Variants in PPM1H observed in about 807,000 individuals in gnomAD.
PPM1H encodes the protein protein phosphatase, Mg2+/Mn2+ dependent 1H.
A neutral mutation model predicts 54.9 loss-of-function variants in PPM1H; 27 were observed. The ratio of observed to expected loss-of-function variants is 0.49; its 90% CI spans 0.36 to 0.68. The LOEUF is 0.68. Among genes scored for constraint, PPM1H ranks in the 30% least tolerant of loss-of-function variants. The probability of loss-of-function intolerance (pLI) is 0.00; values close to 1 mark genes in which losing one functional copy is unlikely to be tolerated. For synonymous variants in PPM1H, 305 were observed against 270.8 expected (o/e 1.13, Z -1.24); for missense variants, 596 against 667.8 (o/e 0.89, Z 1.19).
chr12:62,744,622 G>A (rs1020561385), intron 4 of PPM1H, among the ~76,000 whole-genome samples: 2 of 152,140 alleles, frequency 1.3e-5, no homozygotes, highest in Non-Finnish European at 1.5e-5. Flanking sequence ...ATCTATGTGA[G>A]GAGTCTGATT....
intron 5 of PPM1H, among the ~76,000 whole-genome samples, chr12:62,735,835 C>T (rs956054122): frequency 2.0e-5 from 3 of 152,154 alleles, no homozygotes; most frequent in Admixed American, 6.5e-5. Flanking sequence ...AAAGAAAAGG[C>T]CATCCAGGCA....
chr12:62,809,476 T>C (rs2076823229), intron 2 of PPM1H, among the ~76,000 whole-genome samples: 1 of 152,188 alleles, frequency 6.6e-6, no homozygotes, highest in Non-Finnish European at 1.5e-5. Flanking sequence ...TCTGTGAACA[T>C]GAAGGAATGA....
intron 5 of PPM1H, among the ~76,000 whole-genome samples, chr12:62,727,903 CA>C (rs1360141980): frequency 6.6e-6 from 1 of 151,966 alleles, no homozygotes; most frequent in African/African-American, 2.4e-5. Flanking sequence ...TCAGGTGATC[CA>C]TTCCCCTCAG....
At chr12:62,894,670 T>C (rs1870919494) in intron 1 of PPM1H, among the ~76,000 whole-genome samples, 1 of 152,244 alleles carries the variant, frequency 6.6e-6, no homozygotes, top group African/African-American at 2.4e-5. Flanking sequence ...ATGGTAGGCA[T>C]ACCACCTTGT....
intron 9 of PPM1H, among the ~76,000 whole-genome samples, chr12:62,660,643 A>C (rs943874226): frequency 6.6e-6 from 1 of 152,214 alleles, no homozygotes; most frequent in African/African-American, 2.4e-5. Flanking sequence ...CCACATGCAG[A>C]AAAAGGAAAC....
chr12:62,802,539 A>G (rs2076777284), intron 2 of PPM1H, among the ~76,000 whole-genome samples: 1 of 150,548 alleles, frequency 6.6e-6, no homozygotes, highest in African/African-American at 2.4e-5. Flanking sequence ...GTACGAGTCC[A>G]GCTTGAACAC....
chr12:62,733,341 G>A (rs1488232061), intron 5 of PPM1H, among the ~76,000 whole-genome samples: 2 of 152,050 alleles, frequency 1.3e-5, no homozygotes, highest in Non-Finnish European at 2.9e-5. Context: ...TGCAACCTCC[G>A]CCTCCCAGGT....
At chr12:62,672,315 C>A (rs746001813) in intron 8 of PPM1H, among the ~76,000 whole-genome samples, 1 of 152,198 alleles carries the variant, frequency 6.6e-6, no homozygotes, top group East Asian at 1.9e-4. Flanking sequence ...GCTTCTGAAG[C>A]TTTCCTTATG....
intron 6 of PPM1H, among the ~76,000 whole-genome samples, chr12:62,698,833 C>T (rs946772070): frequency 6.6e-6 from 1 of 152,052 alleles, no homozygotes; most frequent in Non-Finnish European, 1.5e-5. Context: ...TAATGACACA[C>T]ACAATAGATA....
chr12:62,781,548 AT>A (rs1248998117), intron 4 of PPM1H, among the ~76,000 whole-genome samples: 1 of 152,204 alleles, frequency 6.6e-6, no homozygotes, highest in Non-Finnish European at 1.5e-5. Flanking sequence ...TAGAGTGGTG[AT>A]TCTTAAACTT....
chr12:62,820,190 T>C (rs777548253), intron 2 of PPM1H, among the ~76,000 whole-genome samples: 1 of 152,192 alleles, frequency 6.6e-6, no homozygotes, highest in Non-Finnish European at 1.5e-5. Flanking sequence ...GGCAGCAGCC[T>C]AGTAGGGGGA....
At chr12:62,831,730 A>AGT (rs1159097469) in intron 2 of PPM1H, among the ~76,000 whole-genome samples, 8 of 137,684 alleles carry the variant, frequency 5.8e-5, no homozygotes, top group Admixed American at 2.1e-4. Flanking sequence ...TGTGTGTGTG[A>AGT]GTGTGTGTGT....
At chr12:62,672,870 T>C (rs1159852211) in intron 8 of PPM1H, among the ~76,000 whole-genome samples, 1 of 152,192 alleles carries the variant, frequency 6.6e-6, no homozygotes, top group Non-Finnish European at 1.5e-5. Flanking sequence ...GCATCTTCTA[T>C]AGTGTAAACC....
At chr12:62,716,520 G>T (rs548408264) in intron 6 of PPM1H, among the ~76,000 whole-genome samples, 1 of 152,292 alleles carries the variant, frequency 6.6e-6, no homozygotes, top group South Asian at 2.1e-4. Context: ...AAACAGCTTT[G>T]CAGTAGGTGG....
chr12:62,894,438 T>C (rs1241113261), intron 1 of PPM1H, among the ~76,000 whole-genome samples: 1 of 152,154 alleles, frequency 6.6e-6, no homozygotes, highest in Non-Finnish European at 1.5e-5. Context: ...ATATTGAAAG[T>C]AGGGTTGTAT....
intron 6 of PPM1H, among the ~76,000 whole-genome samples, chr12:62,711,648 T>C (rs886375378): frequency 2.0e-5 from 3 of 152,064 alleles, no homozygotes; most frequent in Non-Finnish European, 4.4e-5. Context: ...TAAGCGTATG[T>C]GGATAATAGA....
intron 8 of PPM1H, among the ~76,000 whole-genome samples, chr12:62,686,908 C>T (rs535794586): frequency 4.2e-4 from 64 of 152,268 alleles, no homozygotes; most frequent in African/African-American, 1.4e-3. Context: ...CTCACAGCTC[C>T]GCCAAAGTGG....
chr12:62,871,539 G>A (rs1869984814), intron 1 of PPM1H, among the ~76,000 whole-genome samples: 1 of 144,432 alleles, frequency 6.9e-6, no homozygotes, highest in Admixed American at 7.0e-5. Context: ...TTTTGAGATA[G>A]GGTCTCACTC....
intron 5 of PPM1H, among the ~76,000 whole-genome samples, chr12:62,728,067 A>C (rs2076299566): frequency 6.6e-6 from 1 of 152,192 alleles, no homozygotes; most frequent in East Asian, 1.9e-4. Context: ...CTTCAAGGAA[A>C]CATAACAGAA....
Sources: gnomAD v4.1 joint callset for allele counts (sites outside exome capture counted in the v4.1 genomes callset) on GRCh38, gnomAD v4.1.1 for gene constraint, MANE v1.5 for transcripts, NCBI Gene and HGNC (gene_info 2026-07-23, HGNC 2026-07-21) for gene names.